MCTP2: variants seen among roughly 807,000 people sequenced by gnomAD.
The protein encoded by MCTP2 is multiple C2 and transmembrane domain containing 2.
A neutral mutation model predicts 111.6 loss-of-function variants in MCTP2; 132 were observed. The ratio of observed to expected loss-of-function variants is 1.18; its 90% CI spans 1.03 to 1.37. MCTP2 has a LOEUF of 1.37. MCTP2 is among the 40% of genes most tolerant of loss of function. MCTP2 has a pLI of 0.00. For missense variants in MCTP2, 1,183 were observed against 1,067.9 expected (o/e 1.11, Z -1.50); for synonymous variants, 395 against 387.7 (o/e 1.02, Z -0.22).
intron 1 of MCTP2, among the ~76,000 whole-genome samples, chr15:94,278,783 A>T (rs897823501): frequency 7.9e-5 from 12 of 151,740 alleles, no homozygotes; most frequent in Non-Finnish European, 1.3e-4. Context: ...GTCTATATGT[A>T]CTCAGTGTTT....
At chr15:94,279,832 C>T (rs1567321744) in intron 1 of MCTP2, among the ~76,000 whole-genome samples, 1 of 152,080 alleles carries the variant, frequency 6.6e-6, no homozygotes, top group African/African-American at 2.4e-5. Flanking sequence ...TGGATTTTAT[C>T]AAAAGCCTTT....
intron 1 of MCTP2, among the ~76,000 whole-genome samples, chr15:94,247,491 C>G (rs2072100236): frequency 6.6e-6 from 1 of 152,090 alleles, no homozygotes; most frequent in Admixed American, 6.5e-5. Flanking sequence ...GGGCCTTACT[C>G]TGTTGTGGAG....
At position 94,298,762 on chromosome 15, in the gene MCTP2, GTCTCTC is replaced by G. The variant is rs752096854; in HGVS notation, c.465+46_465+51del. 2.1e-5 allele frequency: 27 copies of G among 1,277,034 alleles called. No homozygotes were observed. The East Asian group carries it at 3.1e-4, about 15-fold the overall frequency. The allele number at this position is 1,277,034 out of a possible 1,614,324, so 79.1% of individuals were successfully genotyped here. A position where few individuals can be genotyped will look rare whatever the true frequency, so the allele number is the denominator to read the frequency against. On this transcript the variant is annotated intron_variant, in intron 2 of 22. Coordinates refer to ENST00000357742, the MANE Select transcript of MCTP2 (RefSeq NM_001385001.1). The stretch of plus-strand genomic sequence containing the variant: ...ATAGGGCTGGGCTCTCTTTTTTTTT[GTCTCTC>G]TCTCTCTCTCTCTTTCCCTCTCTTT...
Position 94,470,297 on chromosome 15 carries a change from A to G in MCTP2, c.2361-36A>G, listed in dbSNP as rs778921283. 24 of 1,390,882 alleles carry G rather than the reference A, an allele frequency of 1.7e-5. No individual in the cohort carries two copies. The Admixed American group carries it at 4.0e-4, about 23-fold the overall frequency. 86.2% of individuals were successfully genotyped at this position (1,390,882 alleles called of 1,614,324 possible). On this transcript the variant is annotated intron_variant, in intron 20 of 22. Transcript: ENST00000357742. ...GTTGACTCTGTGGCAGTTGTTGAAC[A>G]TCAGAGGAAATTATATTTATGTGGT...
intron 4 of MCTP2, among the ~76,000 whole-genome samples, chr15:94,328,542 G>A (rs12591567): frequency 0.044 from 6,644 of 152,252 alleles, 179 homozygotes; most frequent in Admixed American, 0.073. Flanking sequence ...CTGTGCGCAC[G>A]TTGATGTGTG....
intron 17 of MCTP2, among the ~76,000 whole-genome samples, chr15:94,406,811 A>G (rs1376212825): frequency 6.6e-6 from 1 of 152,036 alleles, no homozygotes; most frequent in Non-Finnish European, 1.5e-5. Context: ...GTAAAAACAG[A>G]AAACAACTAG....
intron 1 of MCTP2, chr15:94,273,636 C>T: frequency 5.0e-6 from 1 of 200,642 alleles, no homozygotes; most frequent in Admixed American, 5.0e-5. Context: ...CTGCTCCATG[C>T]CCATCTGCAA....
rs138597818 is a variant in MCTP2, at chr15:94,276,179, A to G, written c.-65-22022A>G. ...TTTTTAAAGAAACAACTTTGGCTTC[A>G]TTAATTCTTTGTATTCTATGCCAGA... On this transcript the variant is annotated intron_variant, in intron 1 of 22. Coordinates refer to ENST00000357742, the MANE Select transcript of MCTP2 (RefSeq NM_001385001.1). 2.4e-3 allele frequency among the ~76,000 whole-genome samples: 365 copies of G among 152,288 alleles called. 1 individual carries two copies. Among genetic ancestry groups the G allele is most frequent in the Non-Finnish European group, 3.7e-3 (250 of 68,018 alleles).
At chr15:94,467,280 T>TTTTGTTGCCACCTAGCTATGGA (rs2073434102) in intron 20 of MCTP2, among the ~76,000 whole-genome samples, 1 of 152,120 alleles carries the variant, frequency 6.6e-6, no homozygotes, top group African/African-American at 2.4e-5. Context: ...AAAGAGTGGG[T>TTTTGTTGCCACCTAGCTATGGA]TTTGTTGCCA....
At chr15:94,332,879 A>G (rs1596382206) in intron 4 of MCTP2, among the ~76,000 whole-genome samples, 1 of 152,230 alleles carries the variant, frequency 6.6e-6, no homozygotes, top group East Asian at 1.9e-4. Context: ...GTAAGTTTAT[A>G]TATATATATG....
chr15:94,368,138 A>G (rs892344063), intron 11 of MCTP2, among the ~76,000 whole-genome samples: 4 of 152,230 alleles, frequency 2.6e-5, no homozygotes, highest in African/African-American at 9.7e-5. Flanking sequence ...GTTCACAAAT[A>G]ACTTTACCAG....
chr15:94,245,538 A>T (rs962962779), intron 1 of MCTP2, among the ~76,000 whole-genome samples: 31 of 142,864 alleles, frequency 2.2e-4, no homozygotes, highest in African/African-American at 7.6e-4. Flanking sequence ...ATATACATAC[A>T]TGTATATATT....
rs1346239667 is a variant in MCTP2, at chr15:94,314,267, T to C, written c.466-15T>C. 1.3e-6 allele frequency: 2 copies of C among 1,596,350 alleles called. No individual in the cohort carries two copies. The highest frequency in any genetic ancestry group is 2.7e-5 in the African/African-American group (2 of 74,310). ...TGCTTTTGTAAAGCAGATTTTTTTT[T>C]CTTTTTCTTTGCAGAAGCTATGTGG... On this transcript the variant is annotated splice_polypyrimidine_tract_variant and intron_variant, in intron 2 of 22. Coordinates refer to ENST00000357742, the MANE Select transcript of MCTP2 (RefSeq NM_001385001.1).
At chr15:94,289,768 T>A (rs2074948978) in intron 1 of MCTP2, among the ~76,000 whole-genome samples, 1 of 152,166 alleles carries the variant, frequency 6.6e-6, no homozygotes, top group Non-Finnish European at 1.5e-5. Flanking sequence ...TAATCTCCCT[T>A]CCCTAACCCC....
At chr15:94,465,804 A>G (rs2073229399) in intron 20 of MCTP2, among the ~76,000 whole-genome samples, 1 of 130,916 alleles carries the variant, frequency 7.6e-6, no homozygotes, top group Non-Finnish European at 1.7e-5. Context: ...TCCACTTGCT[A>G]GGAATTGAAA....
At chr15:94,303,678 A>G (rs2075751777) in intron 2 of MCTP2, among the ~76,000 whole-genome samples, 1 of 152,116 alleles carries the variant, frequency 6.6e-6, no homozygotes, top group Non-Finnish European at 1.5e-5. Context: ...CTCCTACAAC[A>G]TGTGGGAATT....
chr15:94,390,388 ACT>A (rs1383172481), intron 14 of MCTP2, among the ~76,000 whole-genome samples: 3 of 151,880 alleles, frequency 2.0e-5, no homozygotes, highest in Non-Finnish European at 4.4e-5. Context: ...GCATTGGAAA[ACT>A]CTAAGCACAC....
At chr15:94,253,355 T>A (rs2072563962) in intron 1 of MCTP2, among the ~76,000 whole-genome samples, 1 of 152,214 alleles carries the variant, frequency 6.6e-6, no homozygotes, top group South Asian at 2.1e-4. Flanking sequence ...CTGTGTTAAT[T>A]GGTGGTTCCA....
chr15:94,450,960 C>T (rs940351387), intron 19 of MCTP2, among the ~76,000 whole-genome samples: 7 of 152,190 alleles, frequency 4.6e-5, no homozygotes, highest in Non-Finnish European at 1.0e-4. Flanking sequence ...AATTCTCTGC[C>T]TGAGGCTCGA....
Sources: gnomAD v4.1 joint callset for allele counts (sites outside exome capture counted in the v4.1 genomes callset) on GRCh38, gnomAD v4.1.1 for gene constraint, MANE v1.5 for transcripts, NCBI Gene and HGNC (gene_info 2026-07-23, HGNC 2026-07-21) for gene names.